Variants in SLC35F4 observed in about 807,000 individuals in gnomAD.
SLC35F4 encodes the protein solute carrier family 35 member F4, also known as chromosome 14 open reading frame 36.
In SLC35F4, 24 loss-of-function variants were observed where a neutral mutation model predicts 44.2. That is an observed-to-expected ratio of 0.54 (90% confidence interval 0.39 to 0.76). The LOEUF (loss-of-function observed/expected upper bound fraction) is 0.76, where lower values mean the gene tolerates loss of function less well. Among genes scored for constraint, SLC35F4 ranks in the 30% least tolerant of loss-of-function variants. The pLI is 0.00. For synonymous variants in SLC35F4, 238 were observed against 223.6 expected, an observed-to-expected ratio of 1.06 and a Z score of -0.57; for missense variants, 562 against 586.1, an observed-to-expected ratio of 0.96 and a Z score of 0.42.
chr14:57,894,471 A>G (rs1463497829), intron 1 of SLC35F4, among the ~76,000 whole-genome samples: 2 of 152,138 alleles, frequency 1.3e-5, no homozygotes, highest in African/African-American at 2.4e-5. Context: ...CTCAGCCTCT[A>G]TTAGTACCTA....
At chr14:57,572,316 G>A (rs971159525) in intron 4 of SLC35F4, among the ~76,000 whole-genome samples, 55 of 151,842 alleles carry the variant, frequency 3.6e-4, no homozygotes, top group African/African-American at 1.3e-3. Flanking sequence ...AAGCTTTCTA[G>A]GGACTAACAT....
At chr14:57,929,111 G>A (rs1243791224) in intron 1 of SLC35F4, among the ~76,000 whole-genome samples, 2 of 152,184 alleles carry the variant, frequency 1.3e-5, no homozygotes, top group Non-Finnish European at 2.9e-5. Context: ...CCCCTGCAAG[G>A]GTGGTGGGCC....
At chr14:57,666,055 A>C (rs1266136601) in intron 1 of SLC35F4, among the ~76,000 whole-genome samples, 1 of 152,198 alleles carries the variant, frequency 6.6e-6, no homozygotes, top group Non-Finnish European at 1.5e-5. Context: ...TAATCTGTAC[A>C]ACAGACCCCT....
intron 1 of SLC35F4, among the ~76,000 whole-genome samples, chr14:57,980,102 G>A (rs1439314569): frequency 6.6e-6 from 1 of 152,188 alleles, no homozygotes; most frequent in East Asian, 1.9e-4. Context: ...TTAGACTAGA[G>A]TCTAGGCTGA....
intron 1 of SLC35F4, among the ~76,000 whole-genome samples, chr14:57,819,118 A>G (rs983478463): frequency 1.3e-4 from 20 of 152,228 alleles, no homozygotes; most frequent in African/African-American, 4.3e-4. Flanking sequence ...ATGATTGTCA[A>G]TGCAGAAAAT....
chr14:57,760,874 A>G (rs894512716), intron 1 of SLC35F4, among the ~76,000 whole-genome samples: 1 of 152,172 alleles, frequency 6.6e-6, no homozygotes, highest in Non-Finnish European at 1.5e-5. Context: ...TCACATGTTT[A>G]TAATCATCAA....
At chr14:57,888,625 T>C (rs1888699943) in intron 1 of SLC35F4, among the ~76,000 whole-genome samples, 4 of 152,214 alleles carry the variant, frequency 2.6e-5, no homozygotes, top group African/African-American at 9.6e-5. Flanking sequence ...TTTTAAGTGA[T>C]ATGATTTACC....
At position 57,637,398 on chromosome 14, in the gene SLC35F4, C is replaced by A. The variant is rs1007809554; in HGVS notation, c.104-43274G>T. Among the ~76,000 whole-genome samples the A allele has an allele frequency of 1.3e-5, 2 of 152,126 alleles. 1 individual carries two copies. The highest frequency in any genetic ancestry group is 4.8e-5 in the African/African-American group (2 of 41,442). ...CCTAAAGTCAGAAAGTGTCTCCTAA[C>A]CCCATCTGTAAGAGACCTTTCTGGA... On this transcript the variant is annotated intron_variant, in intron 1 of 7. Coordinates refer to ENST00000556826, the MANE Select transcript of SLC35F4 (RefSeq NM_001306087.2).
chr14:57,612,177 G>A (rs1177898121), intron 1 of SLC35F4, among the ~76,000 whole-genome samples: 5 of 152,120 alleles, frequency 3.3e-5, no homozygotes, highest in Admixed American at 6.6e-5. Context: ...CTTGAGCCCA[G>A]AAGTTGGAGG....
chr14:57,859,237 A>G (rs925379694), intron 1 of SLC35F4, among the ~76,000 whole-genome samples: 1 of 152,246 alleles, frequency 6.6e-6, no homozygotes, highest in African/African-American at 2.4e-5. Flanking sequence ...GTGCTCGCAT[A>G]TATGGAAGAC....
chr14:57,943,329 G>A (rs1177480261), intron 1 of SLC35F4, among the ~76,000 whole-genome samples: 2 of 152,204 alleles, frequency 1.3e-5, no homozygotes, highest in Non-Finnish European at 2.9e-5. Context: ...GCAAAGAGCA[G>A]TGGGATTCTT....
intron 4 of SLC35F4, among the ~76,000 whole-genome samples, chr14:57,577,913 A>C (rs2068914815): frequency 6.6e-6 from 1 of 152,198 alleles, no homozygotes; most frequent in Non-Finnish European, 1.5e-5. Flanking sequence ...AACACATCAT[A>C]GATTACCAAT....
At chr14:57,807,886 G>A (rs867595678) in intron 1 of SLC35F4, among the ~76,000 whole-genome samples, 3 of 151,816 alleles carry the variant, frequency 2.0e-5, no homozygotes, top group Non-Finnish European at 4.4e-5. Flanking sequence ...CATGGCTGGG[G>A]GGCCTCACAA....
rs147828436 is a variant in SLC35F4 at position 57,952,319 on chromosome 14, C to G, written n.282+29594G>C. Among the ~76,000 whole-genome samples the G allele has an allele frequency of 6.6e-3, 1,001 of 152,130 alleles. 12 individuals are homozygous for G. The highest frequency in any genetic ancestry group is 0.023 in the African/African-American group (942 of 41,500). ...CAAAGACCAAAGGTAGATAAATCCA[C>G]GAAGATGGAAAAAAACAGCACAAAA... On this transcript the variant is annotated intron_variant and non_coding_transcript_variant, in intron 1 of 1. Coordinates refer to the SLC35F4 transcript ENST00000556568.
intron 1 of SLC35F4, among the ~76,000 whole-genome samples, chr14:57,844,750 T>C: frequency 6.6e-6 from 1 of 152,260 alleles, no homozygotes; most frequent in African/African-American, 2.4e-5. Context: ...CCGCAAGATA[T>C]CCAGGTACCT....
intron 1 of SLC35F4, among the ~76,000 whole-genome samples, chr14:57,932,779 G>A (rs1028396926): frequency 6.6e-6 from 1 of 152,066 alleles, no homozygotes; most frequent in Admixed American, 6.5e-5. Context: ...AATCCAGGGG[G>A]CAGAGGTTGC....
chr14:57,665,834 T>C (rs8008656), intron 1 of SLC35F4, among the ~76,000 whole-genome samples: 32,110 of 152,134 alleles, frequency 0.21, 3,664 homozygotes, highest in African/African-American at 0.28. Context: ...TGCATGGACA[T>C]GGATGGAGCT....
At chr14:57,638,879 T>C (rs553177649) in intron 1 of SLC35F4, among the ~76,000 whole-genome samples, 1 of 152,216 alleles carries the variant, frequency 6.6e-6, no homozygotes, top group Non-Finnish European at 1.5e-5. Context: ...CTTGAGAGAA[T>C]GCAAGCCTAG....
chr14:57,619,090 G>A (rs1033006314), intron 1 of SLC35F4, among the ~76,000 whole-genome samples: 5 of 152,172 alleles, frequency 3.3e-5, no homozygotes, highest in Non-Finnish European at 7.3e-5. Context: ...GAGAACCTAG[G>A]GAAAGGGGCA....
Sources: allele counts gnomAD v4.1 joint callset (sites outside exome capture counted in the v4.1 genomes callset), GRCh38; gene constraint gnomAD v4.1.1; transcripts MANE v1.5; gene names NCBI Gene and HGNC (gene_info 2026-07-23, HGNC 2026-07-21).